The following SLC35D4 variants were observed in gnomAD, a reference collection of about 807,000 sequenced individuals.
SLC35D4 encodes the protein UDP-N-acetylglucosamine transporter SLC35D4.
the SLC35D4 span, among the ~76,000 whole-genome samples, chr18:23,390,747 T>C: frequency 6.6e-6 from 1 of 152,224 alleles, no homozygotes; most frequent in South Asian, 2.1e-4. Flanking sequence ...CAAGCGCAAG[T>C]TCTGAGTCAA....
the SLC35D4 span, among the ~76,000 whole-genome samples, chr18:23,340,490 C>T: frequency 6.6e-6 from 1 of 152,172 alleles, no homozygotes; most frequent in East Asian, 1.9e-4. Context: ...CACACTCAGG[C>T]ACCAACCCAG....
the SLC35D4 span, among the ~76,000 whole-genome samples, chr18:23,377,200 C>T: frequency 9.9e-5 from 15 of 152,160 alleles, no homozygotes; most frequent in South Asian, 2.1e-4. Flanking sequence ...GCAAAGAGGA[C>T]GAGGAAAGCT....
At chr18:23,290,310 T>G in the SLC35D4 span, among the ~76,000 whole-genome samples, 2 of 152,224 alleles carry the variant, frequency 1.3e-5, no homozygotes, top group Admixed American at 1.3e-4. Flanking sequence ...CCAGGGCCAA[T>G]GGGGGCCTGA....
the SLC35D4 span, among the ~76,000 whole-genome samples, chr18:23,303,754 A>G: frequency 6.6e-6 from 1 of 152,024 alleles, no homozygotes; most frequent in Non-Finnish European, 1.5e-5. Context: ...TACAAAAATT[A>G]GTCGGGCATG....
At chr18:23,290,058 C>A in the SLC35D4 span, among the ~76,000 whole-genome samples, 2 of 152,240 alleles carry the variant, frequency 1.3e-5, no homozygotes, top group African/African-American at 2.4e-5. Flanking sequence ...AGATACACGT[C>A]CTCCATCAGA....
the SLC35D4 span, among the ~76,000 whole-genome samples, chr18:23,326,742 A>T: frequency 1.2e-4 from 19 of 152,220 alleles, no homozygotes; most frequent in Non-Finnish European, 1.2e-4. Context: ...AAATCAACAG[A>T]ATACACATTC....
the SLC35D4 span, among the ~76,000 whole-genome samples, chr18:23,436,792 C>CA: frequency 6.6e-6 from 1 of 151,824 alleles, no homozygotes; most frequent in Non-Finnish European, 1.5e-5. Flanking sequence ...GACTCTATCT[C>CA]AAAAAAATAA....
chr18:23,412,290 C>A, the SLC35D4 span, among the ~76,000 whole-genome samples: 1 of 152,192 alleles, frequency 6.6e-6, no homozygotes, highest in Non-Finnish European at 1.5e-5. Context: ...GCACTCTAGC[C>A]TGGACAACAG....
chr18:23,326,329 A>C, the SLC35D4 span, among the ~76,000 whole-genome samples: 1 of 152,234 alleles, frequency 6.6e-6, no homozygotes, highest in Admixed American at 6.5e-5. Context: ...AAAGACGCAC[A>C]TAGGCTCAAA....
chr18:23,400,990 G>A, the SLC35D4 span, among the ~76,000 whole-genome samples: 1 of 152,190 alleles, frequency 6.6e-6, no homozygotes, highest in Non-Finnish European at 1.5e-5. Flanking sequence ...AGCATCACAG[G>A]TAACATTTAT....
the SLC35D4 span, among the ~76,000 whole-genome samples, chr18:23,271,886 T>C: frequency 6.6e-6 from 1 of 152,146 alleles, no homozygotes; most frequent in Non-Finnish European, 1.5e-5. Flanking sequence ...TCCTGGAAGG[T>C]TTTGCACTCA....
At chr18:23,366,868 T>C in the SLC35D4 span, among the ~76,000 whole-genome samples, 1 of 152,190 alleles carries the variant, frequency 6.6e-6, no homozygotes, top group African/African-American at 2.4e-5. Context: ...CATCCAGTCA[T>C]TGAGAAGTTG....
At chr18:23,423,980 T>C in the SLC35D4 span, among the ~76,000 whole-genome samples, 1 of 152,098 alleles carries the variant, frequency 6.6e-6, no homozygotes, top group Non-Finnish European at 1.5e-5. Flanking sequence ...CACTGAAGGG[T>C]TCCAGGCATG....
At chr18:23,390,933 T>C in the SLC35D4 span, among the ~76,000 whole-genome samples, 1 of 151,986 alleles carries the variant, frequency 6.6e-6, no homozygotes, top group African/African-American at 2.4e-5. Context: ...ATGCAAGAAA[T>C]AATGTTCCTA....
chr18:23,417,896 C>T, the SLC35D4 span, among the ~76,000 whole-genome samples: 2 of 152,164 alleles, frequency 1.3e-5, no homozygotes, highest in African/African-American at 2.4e-5. Flanking sequence ...ACAGCCAATT[C>T]CCTCATTCTG....
chr18:23,279,821 A>G, the SLC35D4 span, among the ~76,000 whole-genome samples: 1 of 152,118 alleles, frequency 6.6e-6, no homozygotes, highest in African/African-American at 2.4e-5. Flanking sequence ...TTAATATCTC[A>G]CACACACACA....
chr18:23,368,636 T>G, the SLC35D4 span: 1 of 970,058 alleles, frequency 1.0e-6, no homozygotes. Flanking sequence ...GGCTCAGAAC[T>G]CTTCAATCAA....
chr18:23,385,593 G>T, the SLC35D4 span, among the ~76,000 whole-genome samples: 2 of 152,240 alleles, frequency 1.3e-5, no homozygotes, highest in Non-Finnish European at 2.9e-5. Context: ...ATCTTCTCCG[G>T]GGAATGGGAA....
the SLC35D4 span, among the ~76,000 whole-genome samples, chr18:23,264,706 G>A: frequency 2.6e-5 from 4 of 150,976 alleles, no homozygotes; most frequent in Non-Finnish European, 5.9e-5. Context: ...TTGCCCAGGT[G>A]GAGAGCAGGG....
Sources: allele counts gnomAD v4.1 joint callset (sites outside exome capture counted in the v4.1 genomes callset), GRCh38; gene constraint gnomAD v4.1.1; transcripts MANE v1.5; gene names NCBI Gene and HGNC (gene_info 2026-07-23, HGNC 2026-07-21).